Variants in NUMB observed in about 807,000 individuals in gnomAD.
NUMB encodes the protein NUMB endocytic adaptor protein.
NUMB carries 29 observed loss-of-function variants against 59.7 expected under a neutral mutation model. That is an observed-to-expected ratio of 0.49 (90% confidence interval 0.36 to 0.66). The LOEUF is 0.66. Ranked by LOEUF, NUMB falls within the 30% of genes least tolerant of loss-of-function variation. The pLI, the probability that NUMB is intolerant of heterozygous loss-of-function variation, is 0.00. For synonymous variants in NUMB, 288 were observed against 288.2 expected (o/e 1.00, Z 0.01); for missense variants, 723 against 822.0 (o/e 0.88, Z 1.47).
In NUMB at chr14:73,389,224, T is replaced by C. The variant is rs1332946057; in HGVS notation, c.-101+20713A>G. On this transcript the variant is annotated intron_variant, in intron 2 of 12. Coordinates refer to ENST00000555238, the MANE Select transcript of NUMB (RefSeq NM_001005743.2). ...AGTCTGAGGTTGCAGTGAGCCAAGA[T>C]TGCGCCACTGAACTCCAGCCTGGGT... Among the ~76,000 whole-genome samples the C allele has an allele frequency of 1.4e-4, 19 of 138,750 alleles. No individual in the cohort carries two copies. In the East Asian group the frequency reaches 1.9e-3, roughly 14 times the overall value. The allele number at this position is 138,750 out of a possible 152,430, so 91.0% of individuals were successfully genotyped here.
At chr14:73,332,355 G>A (rs1328480471) in intron 4 of NUMB, among the ~76,000 whole-genome samples, 1 of 151,946 alleles carries the variant, frequency 6.6e-6, no homozygotes, top group Non-Finnish European at 1.5e-5. Flanking sequence ...CTGAGTTCAA[G>A]CAATTCCTGT....
intron 2 of NUMB, among the ~76,000 whole-genome samples, chr14:73,405,020 A>C (rs11159019): frequency 0.051 from 7,832 of 152,206 alleles, 655 homozygotes; most frequent in African/African-American, 0.18. Context: ...CTGCCTCCCA[A>C]AGTGCTGGGA....
intron 1 of NUMB, among the ~76,000 whole-genome samples, chr14:73,452,069 A>C (rs1695648197): frequency 6.6e-6 from 1 of 151,686 alleles, no homozygotes; most frequent in Non-Finnish European, 1.5e-5. Flanking sequence ...ACCCCCCAAA[A>C]AAAAAACTGG....
intron 5 of NUMB, among the ~76,000 whole-genome samples, chr14:73,318,011 T>C (rs1306249313): frequency 2.6e-5 from 4 of 152,202 alleles, no homozygotes; most frequent in African/African-American, 7.2e-5. Flanking sequence ...GCAAAAAATA[T>C]TTCCACAAAA....
chr14:73,448,048 C>T (rs781669674), intron 1 of NUMB, among the ~76,000 whole-genome samples: 26 of 152,106 alleles, frequency 1.7e-4, no homozygotes, highest in Non-Finnish European at 2.2e-4. Context: ...TCGCCTGCCT[C>T]GGCCTCCCAA....
intron 2 of NUMB, among the ~76,000 whole-genome samples, chr14:73,367,326 T>TATAC (rs1566763828): frequency 1.2e-5 from 1 of 85,842 alleles, no homozygotes; most frequent in African/African-American, 5.7e-5. Context: ...CACACACATA[T>TATAC]ATACATATAT....
intron 4 of NUMB, among the ~76,000 whole-genome samples, chr14:73,331,098 A>G (rs1891950472): frequency 7.3e-6 from 1 of 137,838 alleles, no homozygotes. Context: ...TCAAGGTCTT[A>G]AAGTGCTAAT....
At chr14:73,413,441 G>T (rs148556084) in intron 1 of NUMB, among the ~76,000 whole-genome samples, 71 of 151,874 alleles carry the variant, frequency 4.7e-4, no homozygotes, top group African/African-American at 1.7e-3. Context: ...GGGAACATTT[G>T]CTTCTAATGA....
In NUMB at chr14:73,284,323, G is replaced by A. The variant is rs1394677007; in HGVS notation, c.707C>T (p.Ala236Val). 2.5e-6 allele frequency: 4 copies of A among 1,614,068 alleles called. No homozygotes were observed. The highest frequency in any genetic ancestry group is 1.7e-6 in the Non-Finnish European group (2 of 1,179,954). Residue 236 changes from alanine to valine, a missense_variant, in exon 10 of 13, where the codon GCC (alanine) becomes GTC (valine). Ala to Val is a moderately conservative substitution (Grantham distance 64). This residue lies in a region of NUMB where 317 missense variants were observed against 436.6 expected (regional missense o/e 0.73). Transcript: ENST00000555238. ...AGAGGTGGGAGAGGATGGGGATGGG[G>A]CAGTGTTGCCAGGGGCAACTGATGA... is the stretch of plus-strand genomic sequence containing the variant. Reference protein sequence around the residue: ...VGSSVAPGNTAPSPSSPTSPT... With the variant: ...VGSSVAPGNTVPSPSSPTSPT...
chr14:73,314,444 CA>C (rs58012727), intron 6 of NUMB, among the ~76,000 whole-genome samples: 4 of 150,568 alleles, frequency 2.7e-5, no homozygotes, highest in Non-Finnish European at 5.9e-5. Context: ...CATCATGTAG[CA>C]AAAAAAAATG....
At chr14:73,456,639 A>G (rs1566806649) in intron 1 of NUMB, among the ~76,000 whole-genome samples, 2 of 151,864 alleles carry the variant, frequency 1.3e-5, no homozygotes, top group African/African-American at 4.9e-5. Context: ...ATCACAATCC[A>G]CAGTTTGAAA....
At chr14:73,437,045 T>C (rs1319899966) in intron 1 of NUMB, among the ~76,000 whole-genome samples, 2 of 121,318 alleles carry the variant, frequency 1.6e-5, no homozygotes, top group African/African-American at 6.7e-5. Context: ...CTCTCTCTTT[T>C]TTTTTTTTTT....
chr14:73,356,594 G>T (rs928056581), intron 3 of NUMB, among the ~76,000 whole-genome samples: 1 of 152,130 alleles, frequency 6.6e-6, no homozygotes, highest in African/African-American at 2.4e-5. Flanking sequence ...AGTGAGCCAA[G>T]ATCACACAGC....
At chr14:73,450,406 G>A (rs1474253408) in intron 1 of NUMB, among the ~76,000 whole-genome samples, 1 of 152,168 alleles carries the variant, frequency 6.6e-6, no homozygotes, top group Admixed American at 6.5e-5. Flanking sequence ...TCATAACATG[G>A]CAGTCACAAA....
At chr14:73,352,435 C>T (rs8015524) in intron 4 of NUMB, among the ~76,000 whole-genome samples, 648 of 8,646 alleles carry the variant, frequency 0.075, 44 homozygotes, top group African/African-American at 0.24. Flanking sequence ...TATATATATA[C>T]ACACACACAC....
At chr14:73,373,002 T>A (rs1444941252) in intron 2 of NUMB, among the ~76,000 whole-genome samples, 1 of 152,182 alleles carries the variant, frequency 6.6e-6, no homozygotes, top group African/African-American at 2.4e-5. Flanking sequence ...ATTTTTTGTT[T>A]TTCATAAAAC....
chr14:73,456,895 C>T (rs1480484348), intron 1 of NUMB, among the ~76,000 whole-genome samples: 3 of 152,168 alleles, frequency 2.0e-5, no homozygotes, highest in African/African-American at 7.2e-5. Context: ...TTACCAAGCC[C>T]TCCAGGTGAT....
intron 3 of NUMB, among the ~76,000 whole-genome samples, chr14:73,365,424 A>G (rs769960988): frequency 6.6e-6 from 1 of 152,206 alleles, no homozygotes; most frequent in Non-Finnish European, 1.5e-5. Flanking sequence ...AAGATATTCT[A>G]CGATCAAGGA....
At chr14:73,415,734 T>C (rs991672270) in intron 1 of NUMB, among the ~76,000 whole-genome samples, 3 of 149,646 alleles carry the variant, frequency 2.0e-5, no homozygotes, top group African/African-American at 7.7e-5. Flanking sequence ...CCCAAAGTGC[T>C]GGGATTACAG....
Sources: gnomAD v4.1 joint callset for allele counts (sites outside exome capture counted in the v4.1 genomes callset) on GRCh38, gnomAD v4.1.1 for gene constraint, gnomAD v4.1.1 regional missense constraint, MANE v1.5 for transcripts, NCBI Gene and HGNC (gene_info 2026-07-23, HGNC 2026-07-21) for gene names.